The following HPCAL1 variants were observed in gnomAD, a reference collection of about 807,000 sequenced individuals.
HPCAL1 encodes the protein hippocalcin like 1, also known as hippocalcin-like protein 1.
In HPCAL1, 8 loss-of-function variants were observed where a neutral mutation model predicts 17.1. The observed-to-expected ratio is 0.47, with a 90% CI of 0.27 to 0.84. The LOEUF (loss-of-function observed/expected upper bound fraction) is 0.84. Among genes scored for constraint, HPCAL1 ranks in the 40% least tolerant of loss-of-function variants. The pLI is 0.13. For missense variants in HPCAL1, 165 were observed against 271.1 expected (o/e 0.61, Z 2.75); for synonymous variants, 112 against 111.4 (o/e 1.01, Z -0.03).
intron 1 of HPCAL1, among the ~76,000 whole-genome samples, chr2:10,374,476 TC>T (rs1202426713): frequency 1.3e-5 from 2 of 152,204 alleles, no homozygotes; most frequent in Non-Finnish European, 2.9e-5. Context: ...CGACAGCTGT[TC>T]CTCTTCAGGA....
At chr2:10,386,328 G>A (rs1029075951) in intron 1 of HPCAL1, among the ~76,000 whole-genome samples, 7 of 152,176 alleles carry the variant, frequency 4.6e-5, no homozygotes, top group African/African-American at 9.7e-5. Context: ...CCTCTCTTGC[G>A]TGGCTCCATG....
intron 1 of HPCAL1, among the ~76,000 whole-genome samples, chr2:10,319,323 C>T (rs906491392): frequency 2.0e-5 from 3 of 152,120 alleles, no homozygotes; most frequent in African/African-American, 7.2e-5. Flanking sequence ...GGAAATGGGA[C>T]GATGTTTGAA....
intron 1 of HPCAL1, among the ~76,000 whole-genome samples, chr2:10,357,315 C>G (rs1275366231): frequency 6.6e-6 from 1 of 152,230 alleles, no homozygotes; most frequent in Non-Finnish European, 1.5e-5. Flanking sequence ...AGGTTGTCAG[C>G]TCTCTCAGGT....
chr2:10,335,319 T>A (rs1664649612), intron 1 of HPCAL1, among the ~76,000 whole-genome samples: 1 of 152,210 alleles, frequency 6.6e-6, no homozygotes, highest in Non-Finnish European at 1.5e-5. Flanking sequence ...GGGAGCCAGA[T>A]GCCATGTCTC....
chr2:10,419,767 C>G lies in HPCAL1; in HGVS notation c.10C>G (p.Gln4Glu). 6.2e-7 allele frequency: 1 copy of G among 1,609,578 alleles called. No homozygotes were observed. Among genetic ancestry groups the G allele is most frequent in the Non-Finnish European group, 8.5e-7 (1 of 1,177,402 alleles). Reference protein sequence around the residue: MGKQNSKLRPEVLQ... With the variant: MGKENSKLRPEVLQ... ...GCCGCCGCCAGCCGCCATGGGCAAA[C>G]AGAACAGCAAGCTGCGGCCCGAGGT... Residue 4 changes from glutamine (Q) to glutamate (E), a missense_variant, in exon 3 of 5, where the codon CAG (glutamine) becomes GAG (glutamate). Coordinates refer to ENST00000307845, the MANE Select transcript of HPCAL1 (RefSeq NM_002149.4). The surrounding 1 kb of genome is among the most constrained non-coding windows in gnomAD (Gnocchi z 5.0).
chr2:10,332,041 C>T (rs893371330), intron 1 of HPCAL1, among the ~76,000 whole-genome samples: 1 of 151,824 alleles, frequency 6.6e-6, no homozygotes, highest in East Asian at 1.9e-4. Flanking sequence ...CTCCTTGTCA[C>T]CCATTGTCAT....
chr2:10,351,487 A>G (rs1385206902), intron 1 of HPCAL1, among the ~76,000 whole-genome samples: 1 of 152,176 alleles, frequency 6.6e-6, no homozygotes, highest in Non-Finnish European at 1.5e-5. Flanking sequence ...GTCAGGTGCC[A>G]TGGCTCATGC....
rs1297297058 is a variant in HPCAL1 at position 10,377,436 on chromosome 2, A to G, written c.-110-19399A>G. On this transcript the variant is annotated intron_variant, in intron 1 of 4. Transcript: ENST00000307845. The surrounding 1 kb of genome is among the most constrained non-coding windows in gnomAD (Gnocchi z 5.9). ...TCTGTGGACACCAGTACAGTCAACAACTCTCACTCGCCGCGGGCACCTGCT... is the reference window on the plus strand; with the variant it reads ...TCTGTGGACACCAGTACAGTCAACAGCTCTCACTCGCCGCGGGCACCTGCT... Among the ~76,000 whole-genome samples, 1 of 152,050 alleles carries G rather than the reference A, an allele frequency of 6.6e-6. No homozygotes were observed. Among genetic ancestry groups the G allele is most frequent in the East Asian group, 1.9e-4 (1 of 5,172 alleles).
intron 1 of HPCAL1, among the ~76,000 whole-genome samples, chr2:10,341,465 C>G (rs1468554363): frequency 1.3e-5 from 2 of 151,636 alleles, no homozygotes; most frequent in Non-Finnish European, 2.9e-5. Flanking sequence ...GCAACAACAA[C>G]AACAACAAAT....
rs571363052 is a variant in HPCAL1, at chr2:10,310,996, C to T, written c.-111+7819C>T. ...AGTGAGAACCTCTCGAAATCGATCACCTATGTTGAAAAAAAATCATTTTTA... is the reference window on the plus strand; with the variant it reads ...AGTGAGAACCTCTCGAAATCGATCATCTATGTTGAAAAAAAATCATTTTTA... On this transcript the variant is annotated intron_variant, in intron 1 of 4. Transcript: ENST00000307845. The surrounding 1 kb of genome is among the most constrained non-coding windows in gnomAD (Gnocchi z 4.5). Among the ~76,000 whole-genome samples, 17 of 152,200 alleles carry T rather than the reference C, an allele frequency of 1.1e-4. 1 individual carries two copies. The East Asian group carries it at 3.3e-3, about 29-fold the overall frequency.
chr2:10,404,920 C>T (rs1306392828), intron 2 of HPCAL1, among the ~76,000 whole-genome samples: 2 of 151,950 alleles, frequency 1.3e-5, no homozygotes, highest in Non-Finnish European at 2.9e-5. Context: ...GAGCCCAGGC[C>T]GCAGCCCCCA....
intron 1 of HPCAL1, among the ~76,000 whole-genome samples, chr2:10,380,170 GA>G (rs1667851472): frequency 6.6e-6 from 1 of 152,230 alleles, no homozygotes. Context: ...TCGCAATTAA[GA>G]AAAACAAATG....
chr2:10,344,833 CTCTT>C lies in HPCAL1; in HGVS notation c.-111+41660_-111+41663del, dbSNP rs1166164059. On this transcript the variant is annotated intron_variant, in intron 1 of 4. Coordinates refer to ENST00000307845, the MANE Select transcript of HPCAL1 (RefSeq NM_002149.4). The surrounding 1 kb of genome is among the most constrained non-coding windows in gnomAD (Gnocchi z 4.9). ...TCTCTCTGTGTCTGTCTCTGTCTCT[CTCTT>C]TCTGTGTGTGTCTCTCTCTGTGCCT... 2.0e-5 allele frequency among the ~76,000 whole-genome samples: 3 copies of C among 151,724 alleles called. No homozygotes were observed. The highest frequency in any genetic ancestry group is 4.4e-5 in the Non-Finnish European group (3 of 67,940).
At chr2:10,352,316 G>A (rs544838152) in intron 1 of HPCAL1, among the ~76,000 whole-genome samples, 7 of 152,124 alleles carry the variant, frequency 4.6e-5, no homozygotes, top group South Asian at 2.1e-4. Flanking sequence ...CTTTCCTTTC[G>A]CCTGTTTGGG....
chr2:10,426,930 G>A lies in HPCAL1; in HGVS notation c.*109G>A. The A allele has an allele frequency of 1.9e-6, 2 of 1,063,632 alleles. No individual in the cohort carries two copies. The highest frequency in any genetic ancestry group is 2.8e-6 in the Non-Finnish European group (2 of 707,422). The allele number at this position is 1,063,632 out of a possible 1,614,324, so 65.9% of individuals were successfully genotyped here. A position where few individuals can be genotyped will look rare whatever the true frequency, so the allele number is the denominator to read the frequency against. On this transcript the variant is annotated 3_prime_UTR_variant, in exon 5 of 5. Transcript: ENST00000307845. Reference sequence around the variant, plus strand: ...TCGTTCCTGCTCTCCCGGGCCCCGGGCCTGGGGCATGCGTTGCACCTGCCC... The same window carrying A: ...TCGTTCCTGCTCTCCCGGGCCCCGGACCTGGGGCATGCGTTGCACCTGCCC...
At position 10,419,278 on chromosome 2, in the gene HPCAL1, G is replaced by A. The variant is rs1670880565; in HGVS notation, c.-24-456G>A. Among the ~76,000 whole-genome samples the A allele has an allele frequency of 6.6e-6, 1 of 152,100 alleles. No homozygotes were observed. Among genetic ancestry groups the A allele is most frequent in the Non-Finnish European group, 1.5e-5 (1 of 68,026 alleles). On this transcript the variant is annotated intron_variant, in intron 2 of 4. Coordinates refer to ENST00000307845, the MANE Select transcript of HPCAL1 (RefSeq NM_002149.4). The surrounding 1 kb of genome is among the most constrained non-coding windows in gnomAD (Gnocchi z 5.0). ...GGTGACTCCCTGAAAGTTTCTAGAC[G>A]CCTCTTCTAAAGATAAAAACATAAT...
intron 1 of HPCAL1, among the ~76,000 whole-genome samples, chr2:10,355,782 T>C (rs945753446): frequency 2.6e-5 from 4 of 152,056 alleles, no homozygotes; most frequent in African/African-American, 7.2e-5. Flanking sequence ...TTTTTTTTTT[T>C]CCTAAATAGA....
intron 1 of HPCAL1, among the ~76,000 whole-genome samples, chr2:10,381,116 G>A (rs1280515265): frequency 6.6e-6 from 1 of 152,194 alleles, no homozygotes; most frequent in East Asian, 1.9e-4. Context: ...GAGCAGAGTG[G>A]GGCCCCAGGA....
chr2:10,311,422 C>A (rs1028339279), intron 1 of HPCAL1, among the ~76,000 whole-genome samples: 1 of 152,160 alleles, frequency 6.6e-6, no homozygotes, highest in African/African-American at 2.4e-5. Context: ...ATTCTTATTT[C>A]TTAGGAGGTG....
Sources: allele counts gnomAD v4.1 joint callset (sites outside exome capture counted in the v4.1 genomes callset), GRCh38; gene constraint gnomAD v4.1.1; non-coding constraint Gnocchi (gnomAD v3.1); transcripts MANE v1.5; gene names NCBI Gene and HGNC (gene_info 2026-07-23, HGNC 2026-07-21).